ZMAT3: variants seen among roughly 807,000 people sequenced by gnomAD.
ZMAT3 encodes zinc finger matrin-type protein 3.
In ZMAT3, 17 loss-of-function variants were observed where a neutral mutation model predicts 32.3. The observed-to-expected ratio is 0.53, with a 90% confidence interval of 0.36 to 0.79. The LOEUF is 0.79. Ranked by LOEUF, ZMAT3 falls within the 30% of genes least tolerant of loss-of-function variation. The pLI is 0.00. For synonymous variants in ZMAT3, 120 were observed against 133.1 expected, an observed-to-expected ratio of 0.90 and a Z score of 0.68; for missense variants, 329 against 359.7, an observed-to-expected ratio of 0.91 and a Z score of 0.69.
chr3:179,057,830 T>C (rs1040869690), intron 2 of ZMAT3, among the ~76,000 whole-genome samples: 2 of 152,168 alleles, frequency 1.3e-5, no homozygotes, highest in African/African-American at 4.8e-5. Context: ...TACGGTGAAA[T>C]ACCCAGAACA....
chr3:179,044,701 T>TA (rs1720135568), intron 2 of ZMAT3, among the ~76,000 whole-genome samples: 2 of 151,816 alleles, frequency 1.3e-5, no homozygotes, highest in Non-Finnish European at 2.9e-5. Context: ...TATGCAGCCA[T>TA]AAAAAAGGAT....
intron 3 of ZMAT3, among the ~76,000 whole-genome samples, chr3:179,029,477 T>C (rs1280500791): frequency 1.3e-5 from 2 of 152,272 alleles, no homozygotes; most frequent in Admixed American, 1.3e-4. Context: ...TTTCTTTTTA[T>C]TTTTTTGAGA....
intron 2 of ZMAT3, among the ~76,000 whole-genome samples, chr3:179,039,501 AG>A (rs1249947642): frequency 6.6e-6 from 1 of 152,224 alleles, no homozygotes; most frequent in Non-Finnish European, 1.5e-5. Context: ...ACCTATTAGA[AG>A]GAAAACTAAC....
intron 1 of ZMAT3, among the ~76,000 whole-genome samples, chr3:179,070,176 T>C (rs991198970): frequency 6.6e-6 from 1 of 152,168 alleles, no homozygotes; most frequent in African/African-American, 2.4e-5. Flanking sequence ...AATCAAATGC[T>C]ACCAATTGCC....
intron 2 of ZMAT3, among the ~76,000 whole-genome samples, chr3:179,064,101 T>C (rs1257102049): frequency 1.3e-5 from 2 of 152,236 alleles, no homozygotes; most frequent in African/African-American, 2.4e-5. Context: ...CACCATTGTT[T>C]ACAATACCCG....
At chr3:179,031,707 G>A (rs1560085443) in intron 2 of ZMAT3, among the ~76,000 whole-genome samples, 1 of 152,038 alleles carries the variant, frequency 6.6e-6, no homozygotes, top group Non-Finnish European at 1.5e-5. Flanking sequence ...AGGAGTTCGA[G>A]ACCAGCCTGA....
chr3:179,067,437 G>A lies in ZMAT3; in HGVS notation c.270+46C>T. The A allele has an allele frequency of 2.5e-6, 4 of 1,598,030 alleles. No homozygotes were observed. The South Asian group carries it at 4.4e-5, about 18-fold the overall frequency. On this transcript the variant is annotated intron_variant, in intron 2 of 5. Coordinates refer to ENST00000311417, the MANE Select transcript of ZMAT3 (RefSeq NM_022470.4). ...ACAACTGCTAAATAGCCAGAGCCCT[G>A]AAATGTTCACCCTACTCAATGCCTG...
intron 3 of ZMAT3, among the ~76,000 whole-genome samples, chr3:179,029,723 T>C (rs1248890198): frequency 6.6e-6 from 1 of 152,234 alleles, no homozygotes; most frequent in East Asian, 1.9e-4. Flanking sequence ...CCAAGTCATA[T>C]TGCAGCCTGG....
chr3:179,048,888 G>A lies in ZMAT3; in HGVS notation c.271-17889C>T, dbSNP rs185776653. The stretch of plus-strand genomic sequence containing the variant: ...TTAAAATATTCCAAATGGCAAAACG[G>A]ATAAGAATTCACCAACCAAGTATCT... On this transcript the variant is annotated intron_variant, in intron 2 of 5. Coordinates refer to ENST00000311417, the MANE Select transcript of ZMAT3 (RefSeq NM_022470.4). Among the ~76,000 whole-genome samples, 172 of 152,086 alleles carry A rather than the reference G, an allele frequency of 1.1e-3. 1 individual carries two copies. Among genetic ancestry groups the A allele is most frequent in the Non-Finnish European group, 1.6e-3 (109 of 67,996 alleles).
At chr3:179,068,117 G>C (rs1453364334) in intron 1 of ZMAT3, among the ~76,000 whole-genome samples, 1 of 152,166 alleles carries the variant, frequency 6.6e-6, no homozygotes, top group African/African-American at 2.4e-5. Flanking sequence ...AAAGTCACAT[G>C]GCTGAAATGG....
At chr3:179,037,044 T>TG (rs1719631818) in intron 2 of ZMAT3, among the ~76,000 whole-genome samples, 1 of 152,176 alleles carries the variant, frequency 6.6e-6, no homozygotes, top group Admixed American at 6.5e-5. Flanking sequence ...TAATCACTCT[T>TG]GGGCCCCCTC....
chr3:179,042,093 A>G (rs1015740126), intron 2 of ZMAT3, among the ~76,000 whole-genome samples: 6 of 152,334 alleles, frequency 3.9e-5, no homozygotes, highest in Admixed American at 3.3e-4. Context: ...GCAATAATTA[A>G]TAGCCTACCA....
chr3:179,046,748 C>T lies in ZMAT3; in HGVS notation c.271-15749G>A, dbSNP rs1720261370. ...GTAACAGCCAGCTTTCCCCCAATTC[C>T]CTGGTGACCTGTGTGACACAGCAGA... On this transcript the variant is annotated intron_variant, in intron 2 of 5. Transcript: ENST00000311417. The surrounding 1 kb of genome is among the most constrained non-coding windows in gnomAD (Gnocchi z 4.3). Among the ~76,000 whole-genome samples the T allele has an allele frequency of 6.6e-6, 1 of 152,152 alleles. No homozygotes were observed. The highest frequency in any genetic ancestry group is 1.5e-5 in the Non-Finnish European group (1 of 68,030).
upstream of ZMAT3, chr3:179,071,877 T>C (rs1023029902): frequency 7.2e-5 from 11 of 152,454 alleles, no homozygotes; most frequent in Non-Finnish European, 1.5e-4. Context: ...GCGCATGTGC[T>C]TGGCGGAGCA....
rs1344784129 is a variant in ZMAT3 at position 179,024,075 on chromosome 3, TG to T, written c.*941del. 6.6e-6 allele frequency: 1 copy of T among 151,916 alleles called. No individual in the cohort carries two copies. Among genetic ancestry groups the T allele is most frequent in the African/African-American group, 2.4e-5 (1 of 41,338 alleles). The allele number at this position is 151,916 out of a possible 1,614,324, so 9.4% of individuals were successfully genotyped here. ...TCATTGAATATTCAAATATGAGGCTTGGAAAACCCACAGCACAGCTGGGGCA... is the reference window on the plus strand; with the variant it reads ...TCATTGAATATTCAAATATGAGGCTTGAAAACCCACAGCACAGCTGGGGCA... On this transcript the variant is annotated 3_prime_UTR_variant, in exon 6 of 6. Coordinates refer to ENST00000311417, the MANE Select transcript of ZMAT3 (RefSeq NM_022470.4).
At chr3:179,058,398 C>G (rs1576872456) in intron 2 of ZMAT3, among the ~76,000 whole-genome samples, 1 of 152,332 alleles carries the variant, frequency 6.6e-6, no homozygotes, top group East Asian at 1.9e-4. Flanking sequence ...TCGAGGGGAC[C>G]TTTTAGAGGT....
intron 2 of ZMAT3, among the ~76,000 whole-genome samples, chr3:179,058,343 G>A (rs561532891): frequency 6.6e-6 from 1 of 152,374 alleles, no homozygotes; most frequent in Non-Finnish European, 1.5e-5. Context: ...ATGAAGAAAA[G>A]ATAGAACATA....
chr3:179,047,204 A>C (rs1720286596), intron 2 of ZMAT3, among the ~76,000 whole-genome samples: 1 of 152,218 alleles, frequency 6.6e-6, no homozygotes, highest in Non-Finnish European at 1.5e-5. Flanking sequence ...ACTGCCCAGT[A>C]CCAACCCAGA....
intron 2 of ZMAT3, among the ~76,000 whole-genome samples, chr3:179,035,509 C>T (rs1719536444): frequency 6.6e-6 from 1 of 152,214 alleles, no homozygotes; most frequent in South Asian, 2.1e-4. Context: ...CACTCCCCCT[C>T]TCCACACCAC....
Sources: gnomAD v4.1 joint callset for allele counts (sites outside exome capture counted in the v4.1 genomes callset) on GRCh38, gnomAD v4.1.1 for gene constraint, Gnocchi (gnomAD v3.1) non-coding constraint, MANE v1.5 for transcripts, NCBI Gene and HGNC (gene_info 2026-07-23, HGNC 2026-07-21) for gene names.